The following SORCS2 variants were observed in gnomAD, a reference collection of about 807,000 sequenced individuals.
SORCS2 encodes the protein VPS10 domain-containing receptor SorCS2.
A neutral mutation model predicts 141.6 loss-of-function variants in SORCS2; 100 were observed. The observed-to-expected ratio is 0.71, with a 90% CI of 0.60 to 0.83. SORCS2 has a LOEUF of 0.83. Among genes scored for constraint, SORCS2 ranks in the 40% least tolerant of loss-of-function variants. The probability of loss-of-function intolerance (pLI) is 0.00; values close to 1 mark genes in which losing one functional copy is unlikely to be tolerated. For synonymous variants in SORCS2, 789 were observed against 676.9 expected (o/e 1.17, Z -2.57); for missense variants, 1,646 against 1,560.2 (o/e 1.05, Z -0.93).
intron 2 of SORCS2, among the ~76,000 whole-genome samples, chr4:7,526,277 T>C (rs2109526571): frequency 6.6e-6 from 1 of 152,330 alleles, no homozygotes; most frequent in Middle Eastern, 3.4e-3. Flanking sequence ...GACCGGCGTG[T>C]CCCTTAGGAA....
At chr4:7,466,015 A>T (rs888578702) in intron 2 of SORCS2, among the ~76,000 whole-genome samples, 13 of 152,178 alleles carry the variant, frequency 8.5e-5, no homozygotes, top group Admixed American at 7.9e-4. Context: ...GAAATTTTTT[A>T]TTAATTGCCC....
intron 1 of SORCS2, among the ~76,000 whole-genome samples, chr4:7,342,566 G>A (rs1025593850): frequency 3.3e-5 from 5 of 152,244 alleles, no homozygotes; most frequent in Admixed American, 2.6e-4. Flanking sequence ...CCTTGGAGGT[G>A]CGGCGTGAAA....
At chr4:7,739,261 C>A (rs564066494) in intron 26 of SORCS2, among the ~76,000 whole-genome samples, 1 of 152,226 alleles carries the variant, frequency 6.6e-6, no homozygotes, top group African/African-American at 2.4e-5. Flanking sequence ...ACTCTAAAGA[C>A]CCCTCCACTG....
chr4:7,200,713 G>C (rs888808798), intron 1 of SORCS2, among the ~76,000 whole-genome samples: 12 of 152,166 alleles, frequency 7.9e-5, no homozygotes, highest in Non-Finnish European at 1.5e-4. Flanking sequence ...ACCCGTGCCT[G>C]CTGTTCACGC....
chr4:7,423,417 G>A (rs556120562), intron 2 of SORCS2, among the ~76,000 whole-genome samples: 4 of 152,220 alleles, frequency 2.6e-5, no homozygotes, highest in African/African-American at 4.8e-5. Context: ...AGCAGGGGCC[G>A]GAGGTTTTTG....
intron 1 of SORCS2, among the ~76,000 whole-genome samples, chr4:7,239,626 G>C (rs2069171671): frequency 6.6e-6 from 1 of 152,220 alleles, no homozygotes; most frequent in African/African-American, 2.4e-5. Flanking sequence ...GGGGAGCTGG[G>C]GCTGGGCCCG....
intron 4 of SORCS2, among the ~76,000 whole-genome samples, chr4:7,651,724 C>T (rs1721459021): frequency 6.6e-6 from 1 of 152,206 alleles, no homozygotes; most frequent in Non-Finnish European, 1.5e-5. Context: ...TCCGCACCCT[C>T]CCCCTAGCAA....
intron 1 of SORCS2, among the ~76,000 whole-genome samples, chr4:7,372,791 G>A (rs1012008103): frequency 3.9e-5 from 6 of 151,908 alleles, no homozygotes; most frequent in African/African-American, 7.3e-5. Flanking sequence ...CCGCCTGTCC[G>A]GAGTGCCGTA....
At chr4:7,455,428 T>TGCTGTGTGTTGGGGTCAGGA (rs1421212331) in intron 2 of SORCS2, among the ~76,000 whole-genome samples, 21 of 68,028 alleles carry the variant, frequency 3.1e-4, no homozygotes, top group East Asian at 4.8e-4. Flanking sequence ...TTGGGGTCAG[T>TGCTGTGTGTTGGGGTCAGGA]GCTGTGTGTT....
At chr4:7,199,178 G>A (rs1027161846) in intron 1 of SORCS2, among the ~76,000 whole-genome samples, 1 of 152,214 alleles carries the variant, frequency 6.6e-6, no homozygotes, top group Non-Finnish European at 1.5e-5. Flanking sequence ...TGTCAGCCCT[G>A]GGGTGCAGAG....
intron 12 of SORCS2, among the ~76,000 whole-genome samples, chr4:7,698,960 G>A (rs758401295): frequency 3.3e-5 from 5 of 152,190 alleles, no homozygotes; most frequent in South Asian, 4.1e-4. Context: ...GACGGTCTCC[G>A]TGGCTTCCTA....
chr4:7,215,175 C>T (rs1319751402), intron 1 of SORCS2, among the ~76,000 whole-genome samples: 1 of 152,144 alleles, frequency 6.6e-6, no homozygotes, highest in Non-Finnish European at 1.5e-5. Flanking sequence ...GCTTGCGGGC[C>T]AGCTGGAGTT....
intron 2 of SORCS2, among the ~76,000 whole-genome samples, chr4:7,418,702 A>ACG (rs71645799): frequency 1.0e-5 from 1 of 95,562 alleles, no homozygotes; most frequent in Non-Finnish European, 2.2e-5. Flanking sequence ...GTAACAAATG[A>ACG]CCCCCCCCCC....
intron 25 of SORCS2, among the ~76,000 whole-genome samples, chr4:7,736,219 G>A (rs544509661): frequency 3.0e-4 from 45 of 152,380 alleles, no homozygotes; most frequent in African/African-American, 9.4e-4. Flanking sequence ...CCTGGGGCCC[G>A]GCAGGGGCTT....
chr4:7,646,204 C>T (rs891457312), intron 4 of SORCS2, among the ~76,000 whole-genome samples: 10 of 152,204 alleles, frequency 6.6e-5, no homozygotes, highest in African/African-American at 2.2e-4. Flanking sequence ...GCTGTGCAGG[C>T]GTGAGCTCCG....
intron 1 of SORCS2, among the ~76,000 whole-genome samples, chr4:7,197,993 T>G (rs2108853371): frequency 6.6e-6 from 1 of 152,318 alleles, no homozygotes; most frequent in East Asian, 1.9e-4. Flanking sequence ...GATCAGAGCC[T>G]GGCCCACAGC....
At chr4:7,370,333 G>C (rs1722172781) in intron 1 of SORCS2, among the ~76,000 whole-genome samples, 1 of 152,214 alleles carries the variant, frequency 6.6e-6, no homozygotes. Context: ...AGAGGCAGAG[G>C]AGATCTGGGC....
intron 1 of SORCS2, among the ~76,000 whole-genome samples, chr4:7,394,474 G>A (rs1560248543): frequency 6.7e-6 from 1 of 150,322 alleles, no homozygotes; most frequent in Non-Finnish European, 1.5e-5. Context: ...TGTGAGTCAG[G>A]CTGAGATCTG....
chr4:7,597,162 G>GACATGCAATGAGAGGTTACACAA (rs1717323881), intron 3 of SORCS2, among the ~76,000 whole-genome samples: 1 of 150,010 alleles, frequency 6.7e-6, no homozygotes, highest in Non-Finnish European at 1.5e-5. Context: ...AGGGGAGGGG[G>GACATGCAATGAGAGGTTACACAA]TTATGGTAGT....
Sources: allele counts gnomAD v4.1 joint callset (sites outside exome capture counted in the v4.1 genomes callset), GRCh38; gene constraint gnomAD v4.1.1; transcripts MANE v1.5; gene names NCBI Gene and HGNC (gene_info 2026-07-23, HGNC 2026-07-21).